The following ATXN10 variants were observed in gnomAD, a reference collection of about 807,000 sequenced individuals.
ATXN10 encodes the protein ataxin 10.
In ATXN10, 28 loss-of-function variants were observed where a neutral mutation model predicts 52.9. The observed-to-expected ratio is 0.53, with a 90% CI of 0.39 to 0.73. The LOEUF is 0.73. Ranked by LOEUF, ATXN10 falls within the 30% of genes least tolerant of loss-of-function variation. The probability of loss-of-function intolerance (pLI) is 0.00; values close to 1 mark genes in which losing one functional copy is unlikely to be tolerated. For missense variants in ATXN10, 565 were observed against 577.0 expected (o/e 0.98, Z 0.21); for synonymous variants, 226 against 221.5 (o/e 1.02, Z -0.18).
intron 9 of ATXN10, among the ~76,000 whole-genome samples, chr22:45,749,019 A>G (rs1415557878): frequency 6.6e-6 from 1 of 152,204 alleles, no homozygotes; most frequent in Non-Finnish European, 1.5e-5. Flanking sequence ...CAGGAAATGC[A>G]TAACATTATT....
Position 45,771,690 on chromosome 22 carries a change from T to A in ATXN10, c.1173+31152T>A, listed in dbSNP as rs146437513. Among the ~76,000 whole-genome samples, 1,372 of 152,302 alleles carry A rather than the reference T, an allele frequency of 9.0e-3. 32 individuals are homozygous for A. The highest frequency in any genetic ancestry group is 0.032 in the African/African-American group (1,315 of 41,558). On this transcript the variant is annotated intron_variant, in intron 9 of 11. Transcript: ENST00000252934. ...CCTCGAGCTCCCAAAGTGTTGGGAT[T>A]ACAGGGGTGAGCCACTGTGCCCGGC...
rs1418711882 is a variant in ATXN10, at chr22:45,727,329, C to CTG, written c.729-2095_729-2094insGT. ...TAGTTCTGTCTGTCTGTCTATCTATCTATATCTATCTATCTATCTATCTAT... is the reference window on the plus strand; with the variant it reads ...TAGTTCTGTCTGTCTGTCTATCTATCTGTATATCTATCTATCTATCTATCTAT... On this transcript the variant is annotated intron_variant, in intron 6 of 11. Coordinates refer to ENST00000252934, the MANE Select transcript of ATXN10 (RefSeq NM_013236.4). This position sits in a 1 kb window ranked among gnomAD's most constrained non-coding sequence, Gnocchi z 4.6. 5.6e-5 allele frequency among the ~76,000 whole-genome samples: 5 copies of CTG among 89,298 alleles called. No homozygotes were observed. The highest frequency in any genetic ancestry group is 4.2e-4 in the East Asian group (1 of 2,398). 58.6% of individuals were successfully genotyped at this position (89,298 alleles called of 152,430 possible). A position where few individuals can be genotyped will look rare whatever the true frequency, so the allele number is the denominator to read the frequency against.
chr22:45,734,210 A>G (rs1054754784), intron 7 of ATXN10, among the ~76,000 whole-genome samples: 2 of 152,170 alleles, frequency 1.3e-5, no homozygotes, highest in Admixed American at 6.5e-5. Context: ...GTATTTAAAA[A>G]CTTTAGAGAG....
chr22:45,809,009 G>T (rs1928194292), intron 10 of ATXN10, among the ~76,000 whole-genome samples: 1 of 152,154 alleles, frequency 6.6e-6, no homozygotes, highest in African/African-American at 2.4e-5. Context: ...AAGCTTACCA[G>T]ATTTTAAAGG....
At position 45,787,019 on chromosome 22, in the gene ATXN10, A is replaced by C. The variant is rs1927344023; in HGVS notation, c.1174-19940A>C. 6.6e-6 allele frequency among the ~76,000 whole-genome samples: 1 copy of C among 152,218 alleles called. No individual in the cohort carries two copies. Among genetic ancestry groups the C allele is most frequent in the African/African-American group, 2.4e-5 (1 of 41,452 alleles). On this transcript the variant is annotated intron_variant, in intron 9 of 11. Transcript: ENST00000252934. The surrounding 1 kb of genome is among the most constrained non-coding windows in gnomAD (Gnocchi z 4.2). ...TTTAGTCATGATGCAAATGTCCTGAAATGTTCAGTAAATTATGGTAGGTTA... is the reference window on the plus strand; with the variant it reads ...TTTAGTCATGATGCAAATGTCCTGACATGTTCAGTAAATTATGGTAGGTTA...
intron 5 of ATXN10, among the ~76,000 whole-genome samples, chr22:45,710,050 T>G (rs1924186239): frequency 6.6e-6 from 1 of 152,200 alleles, no homozygotes; most frequent in South Asian, 2.1e-4. Context: ...TGTCTCTCCT[T>G]TTGCCCTCTG....
chr22:45,834,665 G>C (rs1929106623), intron 10 of ATXN10, among the ~76,000 whole-genome samples: 1 of 152,174 alleles, frequency 6.6e-6, no homozygotes, highest in Non-Finnish European at 1.5e-5. Context: ...TCAAATCCAG[G>C]CACCAATGGG....
rs139352265 is a variant in ATXN10 at position 45,700,463 on chromosome 22, A to G, written c.488+85A>G. The G allele has an allele frequency of 6.3e-3, 6,776 of 1,080,144 alleles. 35 individuals are homozygous for G. Among genetic ancestry groups the G allele is most frequent in the Non-Finnish European group, 8.2e-3 (5,866 of 713,154 alleles). The allele number at this position is 1,080,144 out of a possible 1,614,324, so 66.9% of individuals were successfully genotyped here. A position where few individuals can be genotyped will look rare whatever the true frequency, so the allele number is the denominator to read the frequency against. On this transcript the variant is annotated intron_variant, in intron 4 of 11. Coordinates refer to ENST00000252934, the MANE Select transcript of ATXN10 (RefSeq NM_013236.4). ...TTTTATATAAAGTTCGAAAACAGGA[A>G]AAAGTAACCCACTGTAATAGAGTTC...
intron 9 of ATXN10, among the ~76,000 whole-genome samples, chr22:45,796,574 G>A (rs1176410196): frequency 6.6e-6 from 1 of 152,196 alleles, no homozygotes; most frequent in East Asian, 1.9e-4. Context: ...AGACCCAGCT[G>A]TAAAATTTCT....
intron 1 of ATXN10, 159 bp from the exon 2 acceptor site, chr22:45,689,551 AAT>A (rs1923285146): frequency 1.5e-6 from 1 of 651,976 alleles, no homozygotes; most frequent in East Asian, 2.7e-5. Flanking sequence ...GTAAGTGCTC[AAT>A]ATGTGTAGAT....
chr22:45,802,200 A>G (rs9614784), intron 9 of ATXN10, among the ~76,000 whole-genome samples: 7,152 of 152,250 alleles, frequency 0.047, 202 homozygotes, highest in Non-Finnish European at 0.061. Flanking sequence ...TCTCCTGGAG[A>G]TGCACTACCA....
At chr22:45,764,204 C>T (rs1926501775) in intron 9 of ATXN10, among the ~76,000 whole-genome samples, 1 of 152,144 alleles carries the variant, frequency 6.6e-6, no homozygotes, top group Non-Finnish European at 1.5e-5. Context: ...GGAGTTCCCT[C>T]TCTGCAGGGT....
In ATXN10 at chr22:45,805,048, G is replaced by A. The variant is rs557281923; in HGVS notation, c.1174-1911G>A. ...TATAGCAGTCTACTGTGTTTGTACC[G>A]TAGTTTATGTAAGCAACCCCCATTC... is the stretch of plus-strand genomic sequence containing the variant. On this transcript the variant is annotated intron_variant, in intron 9 of 11. Coordinates refer to ENST00000252934, the MANE Select transcript of ATXN10 (RefSeq NM_013236.4). This position sits in a 1 kb window ranked among gnomAD's most constrained non-coding sequence, Gnocchi z 4.4. Among the ~76,000 whole-genome samples, 5 of 152,248 alleles carry A rather than the reference G, an allele frequency of 3.3e-5. No homozygotes were observed. Among genetic ancestry groups the A allele is most frequent in the East Asian group, 1.9e-4 (1 of 5,188 alleles).
intron 10 of ATXN10, among the ~76,000 whole-genome samples, chr22:45,811,043 T>C (rs1428989268): frequency 6.6e-6 from 1 of 152,208 alleles, no homozygotes; most frequent in African/African-American, 2.4e-5. Flanking sequence ...TAAATGGTGG[T>C]ATTTAAAACT....
chr22:45,731,092 C>G (rs375204108), intron 7 of ATXN10, among the ~76,000 whole-genome samples: 4 of 152,314 alleles, frequency 2.6e-5, no homozygotes, highest in African/African-American at 9.6e-5. Flanking sequence ...TTCAGAACTT[C>G]CTGTTTTTAT....
At chr22:45,699,140 C>T (rs1923736223) in intron 3 of ATXN10, among the ~76,000 whole-genome samples, 1 of 152,032 alleles carries the variant, frequency 6.6e-6, no homozygotes, top group Admixed American at 6.6e-5. Flanking sequence ...TTGTTTTTGG[C>T]CTTTATTCTT....
intron 3 of ATXN10, among the ~76,000 whole-genome samples, chr22:45,699,184 A>G (rs1399911500): frequency 6.6e-6 from 1 of 152,114 alleles, no homozygotes; most frequent in African/African-American, 2.4e-5. Context: ...GGGATTTTTG[A>G]GGGTCTTCAT....
At chr22:45,680,267 G>A (rs1569020466) in intron 1 of ATXN10, 1 of 152,160 alleles carries the variant, frequency 6.6e-6, no homozygotes, top group South Asian at 2.1e-4. Context: ...CGTTTTCGTT[G>A]TTGGTGTCAT....
chr22:45,765,466 T>C (rs1029983492), intron 9 of ATXN10, among the ~76,000 whole-genome samples: 10 of 152,178 alleles, frequency 6.6e-5, no homozygotes, highest in South Asian at 2.1e-4. Context: ...CCTCTCTCTC[T>C]CCCTAATTCC....
Sources: allele counts gnomAD v4.1 joint callset (sites outside exome capture counted in the v4.1 genomes callset), GRCh38; gene constraint gnomAD v4.1.1; non-coding constraint Gnocchi (gnomAD v3.1); transcripts MANE v1.5; gene names NCBI Gene and HGNC (gene_info 2026-07-23, HGNC 2026-07-21).